Variants in GRIN3A observed in about 807,000 individuals in gnomAD.
The protein encoded by GRIN3A is glutamate receptor ionotropic, NMDA 3A.
In GRIN3A, 47 loss-of-function variants were observed where a neutral mutation model predicts 92.4. The ratio of observed to expected loss-of-function variants is 0.51; its 90% CI spans 0.40 to 0.65. GRIN3A has a LOEUF of 0.65. Ranked by LOEUF, GRIN3A falls within the 30% of genes least tolerant of loss-of-function variation. The probability of loss-of-function intolerance (pLI) is 0.00; values close to 1 mark genes in which losing one functional copy is unlikely to be tolerated. For missense variants in GRIN3A, 1,324 were observed against 1,393.1 expected (o/e 0.95, Z 0.79); for synonymous variants, 527 against 540.6 (o/e 0.97, Z 0.35).
chr9:101,605,888 C>T (rs763889649), intron 6 of GRIN3A, among the ~76,000 whole-genome samples: 8 of 152,174 alleles, frequency 5.3e-5, no homozygotes, highest in Non-Finnish European at 7.3e-5. Context: ...TCAATAACAA[C>T]GGAGGAGATC....
chr9:101,570,949 TGTGGATTGAGGTACACCTGTACATCA>T lies in GRIN3A; in HGVS notation c.*2199_*2224del, dbSNP rs1827750665. 1 of 152,448 alleles carries T rather than the reference TGTGGATTGAGGTACACCTGTACATCA, an allele frequency of 6.6e-6. No individual in the cohort carries two copies. The highest frequency in any genetic ancestry group is 2.4e-5 in the African/African-American group (1 of 41,408). The allele number at this position is 152,448 out of a possible 1,614,324, so 9.4% of individuals were successfully genotyped here. On this transcript the variant is annotated 3_prime_UTR_variant, in exon 9 of 9. Coordinates refer to ENST00000361820, the MANE Select transcript of GRIN3A (RefSeq NM_133445.3). The stretch of plus-strand genomic sequence containing the variant: ...ATGTACATTAGGAGCATGGCTGTAA[TGTGGATTGAGGTACACCTGTACATCA>T]GCCTTCCGGGCTGCACAGAGGTTCA...
In GRIN3A at chr9:101,626,871, C is replaced by T. The variant is rs1005202388; in HGVS notation, c.2498+1385G>A. Among the ~76,000 whole-genome samples the T allele has an allele frequency of 2.0e-5, 3 of 152,306 alleles. No homozygotes were observed. The East Asian group carries it at 5.8e-4, about 29-fold the overall frequency. On this transcript the variant is annotated intron_variant, in intron 4 of 8. Coordinates refer to ENST00000361820, the MANE Select transcript of GRIN3A (RefSeq NM_133445.3). ...CCAAGGAAAATTGACTTGTCTTGGG[C>T]CTTCATCTGTGGCCGCTTTCCTGAA...
Position 101,682,415 on chromosome 9 carries a change from T to A in GRIN3A, c.1304+4181A>T, listed in dbSNP as rs561603570. 9.4e-3 allele frequency among the ~76,000 whole-genome samples: 15 copies of A among 1,602 alleles called. 6 individuals are homozygous for A. The highest frequency in any genetic ancestry group is 0.018 in the East Asian group (15 of 852). 1.1% of individuals were successfully genotyped at this position (1,602 alleles called of 152,430 possible). On this transcript the variant is annotated intron_variant, in intron 2 of 8. Coordinates refer to ENST00000361820, the MANE Select transcript of GRIN3A (RefSeq NM_133445.3). The stretch of plus-strand genomic sequence containing the variant: ...CCATTCTAACTGGTGTGAGATGGTA[T>A]CTCATAGTGGTTTTGATTTGCATTT...
chr9:101,711,465 C>T (rs1829878198), intron 1 of GRIN3A, among the ~76,000 whole-genome samples: 1 of 152,134 alleles, frequency 6.6e-6, no homozygotes, highest in East Asian at 1.9e-4. Context: ...AAAGCAAAAC[C>T]TTGAAGAGGG....
chr9:101,632,431 T>C (rs752868000), intron 3 of GRIN3A, among the ~76,000 whole-genome samples: 3 of 152,178 alleles, frequency 2.0e-5, no homozygotes, highest in Non-Finnish European at 2.9e-5. Flanking sequence ...ATCATTGTTA[T>C]GCAACAAGCA....
At position 101,573,185 on chromosome 9, in the gene GRIN3A, A is replaced by G; in HGVS notation, c.3337T>C (p.Cys1113Arg). 1 of 1,613,906 alleles carries G rather than the reference A, an allele frequency of 6.2e-7. No individual in the cohort carries two copies. The highest frequency in any genetic ancestry group is 8.5e-7 in the Non-Finnish European group (1 of 1,179,814). ...LEEYQRTSRTCES is the reference protein window; with the variant it reads ...LEEYQRTSRTRES ...AGCAGTGTGGTCACCTAGGACTCAC[A>G]AGTCCGACTTGTCCTTTGATACTCC... is the stretch of plus-strand genomic sequence containing the variant. Residue 1113 changes from cysteine (C) to arginine (R), a missense_variant, in exon 9 of 9, where the codon TGT (cysteine) becomes CGT (arginine). Physicochemically the swap from Cys to Arg is radical, Grantham distance 180. Transcript: ENST00000361820.
intron 6 of GRIN3A, among the ~76,000 whole-genome samples, chr9:101,588,619 G>C (rs1357146465): frequency 2.0e-5 from 3 of 152,052 alleles, no homozygotes; most frequent in Non-Finnish European, 4.4e-5. Flanking sequence ...AACTAAATGT[G>C]AGATTACCCA....
intron 1 of GRIN3A, among the ~76,000 whole-genome samples, chr9:101,727,945 A>G (rs547117554): frequency 1.3e-5 from 2 of 151,574 alleles, no homozygotes; most frequent in African/African-American, 2.4e-5. Context: ...GTATAACACA[A>G]TGTGTGAAAA....
At chr9:101,676,769 C>A (rs954731302) in intron 2 of GRIN3A, among the ~76,000 whole-genome samples, 3 of 151,926 alleles carry the variant, frequency 2.0e-5, no homozygotes, top group Non-Finnish European at 2.9e-5. Context: ...ATTTAGCTTG[C>A]GATCTACCAA....
intron 1 of GRIN3A, among the ~76,000 whole-genome samples, chr9:101,688,043 G>A (rs1307308053): frequency 2.0e-5 from 3 of 152,186 alleles, no homozygotes; most frequent in Non-Finnish European, 2.9e-5. Flanking sequence ...TCCTGACAAT[G>A]TTTAGCACAA....
At chr9:101,639,588 G>C (rs1828829123) in intron 3 of GRIN3A, among the ~76,000 whole-genome samples, 1 of 152,170 alleles carries the variant, frequency 6.6e-6, no homozygotes, top group African/African-American at 2.4e-5. Context: ...AAATGCAAAT[G>C]AATAAAAACA....
In GRIN3A at chr9:101,687,142, G is replaced by C. The variant is rs1829549748; in HGVS notation, c.758C>G (p.Thr253Ser). The change falls in exon 2 of 9, where the codon ACT (threonine) becomes AGT (serine). Residue 253 changes from threonine to serine, a missense_variant. Physicochemically the swap from Thr to Ser is moderately conservative, Grantham distance 58. Coordinates refer to ENST00000361820, the MANE Select transcript of GRIN3A (RefSeq NM_133445.3). ...ENSLSSDADVTVSILTMNNWY... is the reference protein window; with the variant it reads ...ENSLSSDADVSVSILTMNNWY... ...GTTGTTCATGGTCAGGATTGAGACA[G>C]TGACATCAGCATCAGAACTTAATGA... The C allele has an allele frequency of 6.2e-7, 1 of 1,613,722 alleles. No individual in the cohort carries two copies. The highest frequency in any genetic ancestry group is 8.5e-7 in the Non-Finnish European group (1 of 1,179,712).
rs73496772 is a variant in GRIN3A, at chr9:101,631,696, C to T, written c.2353-3295G>A. ...AGCTCCCATATCTGTCTTATTGGCTCTGTGAAGGCAAAGGTTCTGAGGTTC... is the reference window on the plus strand; with the variant it reads ...AGCTCCCATATCTGTCTTATTGGCTTTGTGAAGGCAAAGGTTCTGAGGTTC... On this transcript the variant is annotated intron_variant, in intron 3 of 8. Coordinates refer to ENST00000361820, the MANE Select transcript of GRIN3A (RefSeq NM_133445.3). Among the ~76,000 whole-genome samples the T allele has an allele frequency of 7.3e-3, 1,114 of 152,244 alleles. 12 individuals are homozygous for T. Among genetic ancestry groups the T allele is most frequent in the African/African-American group, 0.026 (1,074 of 41,554 alleles).
chr9:101,673,886 C>T (rs754964333), intron 2 of GRIN3A, among the ~76,000 whole-genome samples: 7 of 152,002 alleles, frequency 4.6e-5, no homozygotes, highest in Non-Finnish European at 7.4e-5. Context: ...GCAATTCAGA[C>T]CCGCATAATG....
At chr9:101,625,053 T>C (rs897094899) in intron 4 of GRIN3A, among the ~76,000 whole-genome samples, 1 of 152,172 alleles carries the variant, frequency 6.6e-6, no homozygotes, top group Non-Finnish European at 1.5e-5. Flanking sequence ...AACCATTTTG[T>C]GCACTATATT....
intron 4 of GRIN3A, among the ~76,000 whole-genome samples, chr9:101,625,072 A>T (rs1489017857): frequency 6.6e-6 from 1 of 152,198 alleles, no homozygotes; most frequent in African/African-American, 2.4e-5. Context: ...TTATCTCCCC[A>T]GTTAAAGTGT....
chr9:101,663,043 T>C (rs939486396), intron 3 of GRIN3A, among the ~76,000 whole-genome samples: 3 of 151,100 alleles, frequency 2.0e-5, no homozygotes, highest in African/African-American at 7.3e-5. Context: ...TGACTCTCAT[T>C]CCCATTTTCC....
intron 1 of GRIN3A, among the ~76,000 whole-genome samples, chr9:101,725,518 A>G (rs1012753384): frequency 6.6e-6 from 1 of 152,246 alleles, no homozygotes; most frequent in African/African-American, 2.4e-5. Flanking sequence ...AGACATCTTT[A>G]AGTATTTTTA....
rs758033382 is a variant in GRIN3A, at chr9:101,702,209, C to T, written c.700-15009G>A. ...GTCAGCTACTCAGGTGGCTGAGGCACGAGAATTGCTTGAACCTGGGAGGCA... is the reference window on the plus strand; with the variant it reads ...GTCAGCTACTCAGGTGGCTGAGGCATGAGAATTGCTTGAACCTGGGAGGCA... On this transcript the variant is annotated intron_variant, in intron 1 of 8. Coordinates refer to ENST00000361820, the MANE Select transcript of GRIN3A (RefSeq NM_133445.3). 9.1e-4 allele frequency among the ~76,000 whole-genome samples: 139 copies of T among 151,956 alleles called. 12 individuals are homozygous for T. The highest frequency in any genetic ancestry group is 2.9e-5 in the Non-Finnish European group (2 of 67,994).
Sources: allele counts gnomAD v4.1 joint callset (sites outside exome capture counted in the v4.1 genomes callset), GRCh38; gene constraint gnomAD v4.1.1; transcripts MANE v1.5; gene names NCBI Gene and HGNC (gene_info 2026-07-23, HGNC 2026-07-21).